CSTPP1: variants seen among roughly 807,000 people sequenced by gnomAD.
CSTPP1 encodes UPF0705 protein C11orf49.
At chr11:46,987,979 C>G in the CSTPP1 span, 1 of 152,216 alleles carries the variant, frequency 6.6e-6, no homozygotes, top group African/African-American at 2.4e-5. Context: ...CATCATTGAT[C>G]ATCAGAGAAA....
the CSTPP1 span, among the ~76,000 whole-genome samples, chr11:47,020,906 G>C: frequency 5.3e-5 from 8 of 152,256 alleles, no homozygotes; most frequent in African/African-American, 1.9e-4. Context: ...GATTTCTTTG[G>C]AGAGTCCACT....
chr11:46,970,402 TAATAAATAAATA>T, the CSTPP1 span, among the ~76,000 whole-genome samples: 5 of 150,066 alleles, frequency 3.3e-5, no homozygotes, highest in African/African-American at 1.2e-4. Context: ...TTTATAATAA[TAATAAATAAATA>T]AATAAATAAA....
chr11:47,139,862 G>A, the CSTPP1 span, among the ~76,000 whole-genome samples: 2 of 152,112 alleles, frequency 1.3e-5, no homozygotes, highest in Non-Finnish European at 2.9e-5. Flanking sequence ...ATGGGGGATC[G>A]GGAGCACAAG....
At chr11:47,147,464 G>A in the CSTPP1 span, among the ~76,000 whole-genome samples, 4 of 152,172 alleles carry the variant, frequency 2.6e-5, no homozygotes, top group African/African-American at 9.7e-5. Context: ...TAAGGTCTGT[G>A]GACCAGTTCA....
the CSTPP1 span, among the ~76,000 whole-genome samples, chr11:47,037,724 A>T: frequency 8.0e-6 from 1 of 125,512 alleles, no homozygotes; most frequent in Non-Finnish European, 1.9e-5. Context: ...GATCAACAGG[A>T]TCCCAAGGCA....
the CSTPP1 span, among the ~76,000 whole-genome samples, chr11:46,948,524 C>T: frequency 6.6e-6 from 1 of 151,708 alleles, no homozygotes; most frequent in Admixed American, 6.5e-5. Context: ...GTAAGAAGTG[C>T]TTACATGGCA....
At chr11:47,087,797 A>AT in the CSTPP1 span, among the ~76,000 whole-genome samples, 1 of 152,162 alleles carries the variant, frequency 6.6e-6, no homozygotes, top group Admixed American at 6.5e-5. Flanking sequence ...GCCTAAAACA[A>AT]TACACATTTA....
At chr11:47,020,917 G>A in the CSTPP1 span, among the ~76,000 whole-genome samples, 270 of 152,302 alleles carry the variant, frequency 1.8e-3, no homozygotes, top group African/African-American at 6.2e-3. Flanking sequence ...AGAGTCCACT[G>A]TCTCTGTTTT....
At chr11:46,977,852 A>G in the CSTPP1 span, among the ~76,000 whole-genome samples, 1 of 152,218 alleles carries the variant, frequency 6.6e-6, no homozygotes, top group African/African-American at 2.4e-5. Context: ...CTTAGTAACA[A>G]TAGAAGGAAC....
At chr11:46,945,385 C>T in the CSTPP1 span, among the ~76,000 whole-genome samples, 8 of 152,050 alleles carry the variant, frequency 5.3e-5, no homozygotes, top group Non-Finnish European at 8.8e-5. Flanking sequence ...AAGGCTGAGG[C>T]GGGCAGATCA....
chr11:47,005,455 C>T, the CSTPP1 span, among the ~76,000 whole-genome samples: 11 of 152,012 alleles, frequency 7.2e-5, no homozygotes, highest in African/African-American at 2.7e-4. Flanking sequence ...AATACAAGAC[C>T]TTATATAATG....
At chr11:47,143,430 G>A in the CSTPP1 span, among the ~76,000 whole-genome samples, 1 of 152,232 alleles carries the variant, frequency 6.6e-6, no homozygotes, top group African/African-American at 2.4e-5. Context: ...AGTCTGTGAT[G>A]ATGTGTGCGT....
At chr11:47,137,849 G>A in the CSTPP1 span, 4 of 944,042 alleles carry the variant, frequency 4.2e-6, no homozygotes, top group Non-Finnish European at 4.9e-6. Flanking sequence ...GGCAGTGGGA[G>A]AGGGGTCTAT....
At chr11:47,105,549 C>A in the CSTPP1 span, among the ~76,000 whole-genome samples, 3 of 152,066 alleles carry the variant, frequency 2.0e-5, no homozygotes, top group African/African-American at 7.2e-5. Flanking sequence ...GTACAGCTAT[C>A]ATTTATTGAA....
the CSTPP1 span, among the ~76,000 whole-genome samples, chr11:46,938,885 T>C: frequency 6.7e-6 from 1 of 150,032 alleles, no homozygotes; most frequent in Non-Finnish European, 1.5e-5. Context: ...CAAGTGATCC[T>C]GCTACCTCAG....
the CSTPP1 span, among the ~76,000 whole-genome samples, chr11:47,096,428 T>C: frequency 1.3e-5 from 2 of 152,196 alleles, no homozygotes; most frequent in African/African-American, 4.8e-5. Context: ...AGGTCCCTCA[T>C]ATAAGTGAAG....
At chr11:47,103,008 G>T in the CSTPP1 span, among the ~76,000 whole-genome samples, 16 of 66,172 alleles carry the variant, frequency 2.4e-4, no homozygotes, top group South Asian at 7.5e-3. Flanking sequence ...AAAAAAAAAA[G>T]CCAGATTGGG....
the CSTPP1 span, among the ~76,000 whole-genome samples, chr11:46,967,177 A>G: frequency 6.6e-6 from 1 of 152,126 alleles, no homozygotes; most frequent in African/African-American, 2.4e-5. Flanking sequence ...TGGAAGTTTT[A>G]TAGTTTTAGC....
the CSTPP1 span, among the ~76,000 whole-genome samples, chr11:47,146,651 T>C: frequency 6.6e-6 from 1 of 152,146 alleles, no homozygotes; most frequent in African/African-American, 2.4e-5. Flanking sequence ...TGTGTGGGAG[T>C]GTAAATTGTT....
Sources: allele counts gnomAD v4.1 joint callset (sites outside exome capture counted in the v4.1 genomes callset), GRCh38; gene constraint gnomAD v4.1.1; transcripts MANE v1.5; gene names NCBI Gene and HGNC (gene_info 2026-07-23, HGNC 2026-07-21).